Variants in SACM1L observed in about 807,000 individuals in gnomAD.
SACM1L encodes the protein phosphatidylinositol-3-phosphatase SAC1.
SACM1L carries 32 observed loss-of-function variants against 89.5 expected under a neutral mutation model. That is an observed-to-expected ratio of 0.36 (90% CI 0.27 to 0.48). The LOEUF (loss-of-function observed/expected upper bound fraction) is 0.48, where lower values mean the gene tolerates loss of function less well. Ranked by LOEUF, SACM1L falls within the 20% of genes least tolerant of loss-of-function variation. The pLI, the probability that SACM1L is intolerant of heterozygous loss-of-function variation, is 0.99. For synonymous variants in SACM1L, 213 were observed against 232.8 expected, an observed-to-expected ratio of 0.92 and a Z score of 0.77; for missense variants, 543 against 708.5, an observed-to-expected ratio of 0.77 and a Z score of 2.65.
intron 1 of SACM1L, among the ~76,000 whole-genome samples, chr3:45,694,680 A>G (rs916543786): frequency 6.6e-6 from 1 of 152,134 alleles, no homozygotes; most frequent in Non-Finnish European, 1.5e-5. Flanking sequence ...ATCTCTGGGG[A>G]TGAGCGGTGG....
chr3:45,711,676 C>A (rs1208175025), intron 5 of SACM1L, among the ~76,000 whole-genome samples: 1 of 151,888 alleles, frequency 6.6e-6, no homozygotes. Flanking sequence ...ACATATATAC[C>A]CTAAATATTT....
intron 4 of SACM1L, among the ~76,000 whole-genome samples, chr3:45,708,836 CATTAACA>C (rs1439439932): frequency 6.6e-6 from 1 of 152,080 alleles, no homozygotes; most frequent in African/African-American, 2.4e-5. Flanking sequence ...CGTTACCAAA[CATTAACA>C]ATTGTTTTTT....
intron 11 of SACM1L, among the ~76,000 whole-genome samples, chr3:45,725,673 A>G (rs1305927885): frequency 6.7e-6 from 1 of 149,730 alleles, no homozygotes; most frequent in Non-Finnish European, 1.5e-5. Context: ...TTCCTTTCCA[A>G]TTTGGATGCC....
chr3:45,691,759 T>A (rs536421795), intron 1 of SACM1L, among the ~76,000 whole-genome samples: 70 of 152,232 alleles, frequency 4.6e-4, no homozygotes, highest in Middle Eastern at 3.4e-3. Context: ...GGACTACAGA[T>A]GCACACCACC....
At position 45,706,676 on chromosome 3, in the gene SACM1L, T is replaced by C. The variant is rs1481107079; in HGVS notation, c.206-104T>C. On this transcript the variant is annotated intron_variant, in intron 3 of 19. Transcript: ENST00000389061. ...GGCCTTTTATCTGAGTGGCACAATA[T>C]AGTCTCATTCTACTAGCCTTTAAAG... 8 of 926,050 alleles carry C rather than the reference T, an allele frequency of 8.6e-6. 1 individual carries two copies. The highest frequency in any genetic ancestry group is 1.7e-5 in the African/African-American group (1 of 59,472). The allele number at this position is 926,050 out of a possible 1,614,324, so 57.4% of individuals were successfully genotyped here.
intron 1 of SACM1L, among the ~76,000 whole-genome samples, chr3:45,702,007 A>C (rs1698285997): frequency 6.6e-6 from 1 of 152,248 alleles, no homozygotes; most frequent in Non-Finnish European, 1.5e-5. Context: ...TTCAGTAATA[A>C]AAAGGAATGA....
At chr3:45,729,363 G>C (rs1021110093) in intron 11 of SACM1L, among the ~76,000 whole-genome samples, 2 of 152,188 alleles carry the variant, frequency 1.3e-5, no homozygotes, top group Non-Finnish European at 2.9e-5. Context: ...GGGATTACAG[G>C]TGTGAGCTAC....
chr3:45,739,340 T>C (rs1371794290), intron 18 of SACM1L, among the ~76,000 whole-genome samples: 1 of 152,194 alleles, frequency 6.6e-6, no homozygotes, highest in Non-Finnish European at 1.5e-5. Flanking sequence ...GGCATCCTCC[T>C]TCCATTTAGC....
chr3:45,743,892 TA>T lies in SACM1L; in HGVS notation c.*225del. 1 of 383,372 alleles carries T rather than the reference TA, an allele frequency of 2.6e-6. No homozygotes were observed. Among genetic ancestry groups the T allele is most frequent in the Non-Finnish European group, 4.6e-6 (1 of 218,030 alleles). The allele number at this position is 383,372 out of a possible 1,614,324, so 23.7% of individuals were successfully genotyped here. A position where few individuals can be genotyped will look rare whatever the true frequency, so the allele number is the denominator to read the frequency against. On this transcript the variant is annotated 3_prime_UTR_variant, in exon 20 of 20. Transcript: ENST00000389061. ...AGATTTATAATTTGAAGCTATTCTG[TA>T]ATTAAAATATAACCTGAATTCAGCT... is the stretch of plus-strand genomic sequence containing the variant.
chr3:45,729,334 C>G (rs1297224688), intron 11 of SACM1L, among the ~76,000 whole-genome samples: 3 of 152,142 alleles, frequency 2.0e-5, no homozygotes, highest in Admixed American at 2.0e-4. Context: ...ATCTGCCCAC[C>G]TCGGCCTCCC....
intron 4 of SACM1L, among the ~76,000 whole-genome samples, chr3:45,707,674 G>A (rs1034910298): frequency 6.6e-6 from 1 of 152,174 alleles, no homozygotes; most frequent in Non-Finnish European, 1.5e-5. Flanking sequence ...TGTGACGAAA[G>A]GGATGACAGT....
At chr3:45,719,752 G>A in intron 8 of SACM1L, 151 bp downstream of exon 8, 1 of 529,292 alleles carries the variant, frequency 1.9e-6, no homozygotes, top group Non-Finnish European at 3.4e-6. Context: ...AATTAGGTAG[G>A]TCTTCCGTGC....
At chr3:45,698,738 A>T (rs908257138) in intron 1 of SACM1L, among the ~76,000 whole-genome samples, 2 of 151,782 alleles carry the variant, frequency 1.3e-5, no homozygotes, top group African/African-American at 4.8e-5. Context: ...TTTAGTAGAG[A>T]TAGGGTTTCA....
At position 45,742,447 on chromosome 3, in the gene SACM1L, C is replaced by A. The variant is rs1699335850; in HGVS notation, c.1628-1086C>A. 2.0e-5 allele frequency among the ~76,000 whole-genome samples: 3 copies of A among 152,204 alleles called. No homozygotes were observed. In the South Asian group the frequency reaches 6.2e-4, roughly 32 times the overall value. On this transcript the variant is annotated intron_variant, in intron 19 of 19. Coordinates refer to ENST00000389061, the MANE Select transcript of SACM1L (RefSeq NM_014016.5). Reference sequence around the variant, plus strand: ...TAGGAAGGAGTCTGGATGCTAGTTTCTTCCGTGGTGTGCTCACTGGCTGTC... The same window carrying A: ...TAGGAAGGAGTCTGGATGCTAGTTTATTCCGTGGTGTGCTCACTGGCTGTC...
intron 14 of SACM1L, chr3:45,737,234 G>T (rs964924240): frequency 4.0e-6 from 1 of 251,886 alleles, no homozygotes; most frequent in African/African-American, 2.3e-5. Flanking sequence ...GTCTCAAGGG[G>T]TAGAGGCAGT....
intron 16 of SACM1L, among the ~76,000 whole-genome samples, chr3:45,738,160 G>T (rs921631059): frequency 5.3e-5 from 8 of 152,212 alleles, no homozygotes; most frequent in Admixed American, 2.0e-4. Flanking sequence ...TGATGCTGAT[G>T]CTGCTTTCAA....
At chr3:45,698,547 T>C (rs988315747) in intron 1 of SACM1L, among the ~76,000 whole-genome samples, 9 of 152,190 alleles carry the variant, frequency 5.9e-5, no homozygotes, top group Non-Finnish European at 1.2e-4. Context: ...TTGTATACTT[T>C]GTTATAATAC....
At position 45,723,461 on chromosome 3, in the gene SACM1L, T is replaced by C. The variant is rs1698835701; in HGVS notation, c.853-14T>C. On this transcript the variant is annotated splice_polypyrimidine_tract_variant and intron_variant, in intron 10 of 19. Coordinates refer to ENST00000389061, the MANE Select transcript of SACM1L (RefSeq NM_014016.5). ...AATGTACTCCAGTAAAATATGTAAC[T>C]TTTTCCTCTCTAGATGGACGGTTTC... 7.4e-7 allele frequency: 1 copy of C among 1,343,118 alleles called. No individual in the cohort carries two copies. 83.2% of individuals were successfully genotyped at this position (1,343,118 alleles called of 1,614,324 possible).
chr3:45,711,938 G>GT (rs1698540461), intron 5 of SACM1L, among the ~76,000 whole-genome samples: 2 of 151,982 alleles, frequency 1.3e-5, no homozygotes, highest in South Asian at 4.1e-4. Context: ...CAGCAGTTTT[G>GT]TTTTAGCAAC....
Sources: allele counts gnomAD v4.1 joint callset (sites outside exome capture counted in the v4.1 genomes callset), GRCh38; gene constraint gnomAD v4.1.1; transcripts MANE v1.5; gene names NCBI Gene and HGNC (gene_info 2026-07-23, HGNC 2026-07-21).